Variants in MAGI3 observed in about 807,000 individuals in gnomAD.
The protein encoded by MAGI3 is membrane associated guanylate kinase, WW and PDZ domain containing 3, also known as membrane-associated guanylate kinase, WW and PDZ domain-containing protein 3.
Under a neutral mutation model 121.8 loss-of-function variants are expected in MAGI3, and 43 were observed. That is an observed-to-expected ratio of 0.35 (90% CI 0.28 to 0.46). MAGI3 has a LOEUF of 0.46. Ranked by LOEUF, MAGI3 falls within the 20% of genes least tolerant of loss-of-function variation. The probability of loss-of-function intolerance (pLI) is 1.00; values close to 1 mark genes in which losing one functional copy is unlikely to be tolerated. For missense variants in MAGI3, 1,547 were observed against 1,797.3 expected, an observed-to-expected ratio of 0.86 and a Z score of 2.52; for synonymous variants, 553 against 639.3, an observed-to-expected ratio of 0.86 and a Z score of 2.04.
rs1409856662 is a variant in MAGI3 at position 113,685,016 on chromosome 1, T to C, written c.*1002T>C. 6.6e-6 allele frequency: 1 copy of C among 152,384 alleles called. No individual in the cohort carries two copies. The highest frequency in any genetic ancestry group is 1.5e-5 in the Non-Finnish European group (1 of 68,032). The allele number at this position is 152,384 out of a possible 1,614,324, so 9.4% of individuals were successfully genotyped here. ...CATGAAACCAGTTTCACAGTCCAAG[T>C]ACCAACTCTTCTGGTAGCAGGTGCA... On this transcript the variant is annotated 3_prime_UTR_variant, in exon 21 of 21. Transcript: ENST00000307546.
chr1:113,590,242 G>A (rs557723679), intron 4 of MAGI3, among the ~76,000 whole-genome samples: 1 of 152,162 alleles, frequency 6.6e-6, no homozygotes, highest in East Asian at 1.9e-4. Flanking sequence ...TAATTCTATT[G>A]TTGTTTTTTG....
At chr1:113,513,222 A>G (rs184897399) in intron 1 of MAGI3, among the ~76,000 whole-genome samples, 341 of 152,334 alleles carry the variant, frequency 2.2e-3, no homozygotes, top group Non-Finnish European at 2.7e-3. Context: ...TAGAGATTCA[A>G]TGCCATCCCC....
At chr1:113,603,102 C>A (rs545687130) in intron 6 of MAGI3, among the ~76,000 whole-genome samples, 1 of 151,218 alleles carries the variant, frequency 6.6e-6, no homozygotes, top group East Asian at 1.9e-4. Flanking sequence ...AAGCCCAATT[C>A]GAAATGAAAA....
chr1:113,635,403 A>G (rs1651940514), intron 9 of MAGI3, among the ~76,000 whole-genome samples: 1 of 152,164 alleles, frequency 6.6e-6, no homozygotes, highest in East Asian at 1.9e-4. Flanking sequence ...ACGTCCCATC[A>G]ATACCTAATT....
intron 1 of MAGI3, among the ~76,000 whole-genome samples, chr1:113,496,648 T>G (rs1656932350): frequency 6.6e-6 from 1 of 152,206 alleles, no homozygotes; most frequent in Non-Finnish European, 1.5e-5. Context: ...TGGACTTTTG[T>G]TTTTTACCTT....
intron 1 of MAGI3, among the ~76,000 whole-genome samples, chr1:113,520,585 T>C (rs1042960071): frequency 3.3e-5 from 5 of 151,996 alleles, no homozygotes; most frequent in Non-Finnish European, 7.4e-5. Flanking sequence ...AATTTTAGTC[T>C]CCTGTTTTCT....
intron 1 of MAGI3, among the ~76,000 whole-genome samples, chr1:113,464,350 C>G (rs946089741): frequency 5.9e-5 from 9 of 152,048 alleles, no homozygotes; most frequent in Non-Finnish European, 1.2e-4. Context: ...TGTAGCTGAA[C>G]ATTATTCCAT....
intron 1 of MAGI3, among the ~76,000 whole-genome samples, chr1:113,406,150 A>G (rs1243091764): frequency 6.6e-6 from 1 of 151,908 alleles, no homozygotes; most frequent in Non-Finnish European, 1.5e-5. Flanking sequence ...CTTAAAAAAA[A>G]ATAGTGGGCC....
intron 1 of MAGI3, among the ~76,000 whole-genome samples, chr1:113,451,532 T>C (rs1425324681): frequency 6.6e-6 from 1 of 152,190 alleles, no homozygotes; most frequent in Non-Finnish European, 1.5e-5. Flanking sequence ...TGATGCCAAG[T>C]GTTCTCGAAA....
intron 1 of MAGI3, among the ~76,000 whole-genome samples, chr1:113,412,439 A>G (rs1652051486): frequency 6.6e-6 from 1 of 152,148 alleles, no homozygotes; most frequent in South Asian, 2.1e-4. Flanking sequence ...ATCCTTGAGG[A>G]ATTGCCACAA....
At chr1:113,582,363 A>T (rs77486466) in intron 3 of MAGI3, among the ~76,000 whole-genome samples, 42 of 152,270 alleles carry the variant, frequency 2.8e-4, no homozygotes, top group African/African-American at 9.9e-4. Context: ...AAACAGTGAC[A>T]GAATGGAAAC....
At chr1:113,571,747 T>C (rs1339921175) in intron 2 of MAGI3, among the ~76,000 whole-genome samples, 1 of 152,340 alleles carries the variant, frequency 6.6e-6, no homozygotes, top group East Asian at 1.9e-4. Flanking sequence ...GATTTTTGTA[T>C]CCTGAGACTT....
At chr1:113,573,526 G>A (rs1279065176) in intron 2 of MAGI3, among the ~76,000 whole-genome samples, 1 of 152,136 alleles carries the variant, frequency 6.6e-6, no homozygotes, top group Non-Finnish European at 1.5e-5. Flanking sequence ...TCTTAATCCT[G>A]AGTTCCAATT....
chr1:113,468,583 T>C (rs1218752210), intron 1 of MAGI3, among the ~76,000 whole-genome samples: 1 of 152,130 alleles, frequency 6.6e-6, no homozygotes, highest in Non-Finnish European at 1.5e-5. Context: ...AAGGGAAGAA[T>C]TGGGTAGATC....
intron 19 of MAGI3, among the ~76,000 whole-genome samples, chr1:113,674,912 A>G (rs1268844378): frequency 6.6e-6 from 1 of 152,252 alleles, no homozygotes; most frequent in Non-Finnish European, 1.5e-5. Flanking sequence ...GGATTTCAAT[A>G]GGGAGAAATT....
intron 1 of MAGI3, among the ~76,000 whole-genome samples, chr1:113,416,668 G>T (rs984327622): frequency 2.0e-5 from 3 of 150,384 alleles, no homozygotes; most frequent in Non-Finnish European, 4.4e-5. Flanking sequence ...TTGAGATACA[G>T]ATAATGACAG....
intron 2 of MAGI3, among the ~76,000 whole-genome samples, chr1:113,552,248 AC>A (rs1317960560): frequency 1.3e-5 from 2 of 151,810 alleles, no homozygotes; most frequent in Non-Finnish European, 2.9e-5. Flanking sequence ...CTTTTTCTTT[AC>A]TCGTTTTCCC....
At chr1:113,537,807 A>G (rs1432800306) in intron 1 of MAGI3, among the ~76,000 whole-genome samples, 2 of 152,212 alleles carry the variant, frequency 1.3e-5, no homozygotes, top group Non-Finnish European at 2.9e-5. Context: ...CATGTTGCCT[A>G]GAAGACTCTT....
chr1:113,513,805 G>A (rs1262668722), intron 1 of MAGI3, among the ~76,000 whole-genome samples: 2 of 152,080 alleles, frequency 1.3e-5, no homozygotes, highest in Non-Finnish European at 2.9e-5. Context: ...AAGAGCTTCT[G>A]CACAGCAAAA....
Sources: allele counts gnomAD v4.1 joint callset (sites outside exome capture counted in the v4.1 genomes callset), GRCh38; gene constraint gnomAD v4.1.1; transcripts MANE v1.5; gene names NCBI Gene and HGNC (gene_info 2026-07-23, HGNC 2026-07-21).